AMPH: variants seen among roughly 807,000 people sequenced by gnomAD.
The protein encoded by AMPH is amphiphysin.
AMPH carries 49 observed loss-of-function variants against 99.1 expected under a neutral mutation model. The ratio of observed to expected loss-of-function variants is 0.49; its 90% CI spans 0.39 to 0.63. The LOEUF (loss-of-function observed/expected upper bound fraction) is 0.63, where lower values mean the gene tolerates loss of function less well. Ranked by LOEUF, AMPH falls within the 20% of genes least tolerant of loss-of-function variation. The pLI, the probability that AMPH is intolerant of heterozygous loss-of-function variation, is 0.00. For synonymous variants in AMPH, 314 were observed against 317.3 expected (o/e 0.99, Z 0.11); for missense variants, 759 against 863.4 (o/e 0.88, Z 1.52).
chr7:38,545,966 G>C (rs763057004), intron 1 of AMPH, among the ~76,000 whole-genome samples: 3 of 152,120 alleles, frequency 2.0e-5, no homozygotes, highest in South Asian at 4.1e-4. Flanking sequence ...AAAAATACAG[G>C]GGGGGATGAT....
chr7:38,532,654 T>C (rs1471700750), intron 2 of AMPH, among the ~76,000 whole-genome samples: 1 of 152,020 alleles, frequency 6.6e-6, no homozygotes, highest in South Asian at 2.1e-4. Flanking sequence ...ATTCTGCCAA[T>C]GTAGTTGATG....
At position 38,417,807 on chromosome 7, in the gene AMPH, G is replaced by A. The variant is rs1323338476; in HGVS notation, c.1398+18C>T. 6.2e-7 allele frequency: 1 copy of A among 1,613,162 alleles called. No homozygotes were observed. Among genetic ancestry groups the A allele is most frequent in the African/African-American group, 1.3e-5 (1 of 75,020 alleles). ...TGGCAGCGAGGCAGATGGAGGGTGAGAGGGAGGTGGTGCTCACCACTGCCT... is the reference window on the plus strand; with the variant it reads ...TGGCAGCGAGGCAGATGGAGGGTGAAAGGGAGGTGGTGCTCACCACTGCCT... On this transcript the variant is annotated intron_variant, in intron 17 of 20. Transcript: ENST00000356264.
At chr7:38,451,207 G>A (rs1010985780) in intron 11 of AMPH, among the ~76,000 whole-genome samples, 6 of 151,764 alleles carry the variant, frequency 4.0e-5, no homozygotes, top group Non-Finnish European at 8.8e-5. Flanking sequence ...AACATTTTCT[G>A]AGGACAAGAA....
intron 1 of AMPH, among the ~76,000 whole-genome samples, chr7:38,565,162 A>G (rs1346112607): frequency 6.6e-6 from 1 of 151,748 alleles, no homozygotes; most frequent in Non-Finnish European, 1.5e-5. Flanking sequence ...CCTGGGATGA[A>G]TCCTACTTTG....
intron 6 of AMPH, among the ~76,000 whole-genome samples, chr7:38,476,179 TG>T (rs1249062266): frequency 3.3e-5 from 5 of 152,210 alleles, no homozygotes; most frequent in Admixed American, 2.0e-4. Context: ...ACTTGAAAGT[TG>T]ATCAGGATGG....
rs1479624556 is a variant in AMPH at position 38,491,297 on chromosome 7, T to C, written c.301-152A>G. On this transcript the variant is annotated intron_variant, in intron 4 of 20. Coordinates refer to ENST00000356264, the MANE Select transcript of AMPH (RefSeq NM_001635.4). ...AAATGAGAATCATTTAATAATGCAA[T>C]AAAATTTTAAGGCAATTTGGCCACT... 5.0e-6 allele frequency: 3 copies of C among 595,728 alleles called. No individual in the cohort carries two copies. The African/African-American group carries it at 5.7e-5, about 11-fold the overall frequency. The allele number at this position is 595,728 out of a possible 1,614,324, so 36.9% of individuals were successfully genotyped here.
intron 17 of AMPH, among the ~76,000 whole-genome samples, chr7:38,409,582 C>G (rs184352662): frequency 2.0e-5 from 3 of 152,130 alleles, no homozygotes; most frequent in Non-Finnish European, 4.4e-5. Flanking sequence ...CACATTTATG[C>G]GCTTTTTTTC....
At chr7:38,545,074 C>T (rs558176509) in intron 1 of AMPH, among the ~76,000 whole-genome samples, 1 of 152,358 alleles carries the variant, frequency 6.6e-6, no homozygotes, top group South Asian at 2.1e-4. Flanking sequence ...CGGTAAGTGT[C>T]TCTTGAGCAA....
intron 11 of AMPH, among the ~76,000 whole-genome samples, chr7:38,446,727 A>G (rs1018013883): frequency 6.6e-6 from 1 of 152,162 alleles, no homozygotes; most frequent in African/African-American, 2.4e-5. Context: ...TAGTATATAC[A>G]TATGTGCAAA....
At chr7:38,570,612 G>T (rs1442206019) in intron 1 of AMPH, among the ~76,000 whole-genome samples, 1 of 151,826 alleles carries the variant, frequency 6.6e-6, no homozygotes, top group Non-Finnish European at 1.5e-5. Flanking sequence ...ATGCAATTAT[G>T]TACAGAACAT....
chr7:38,398,064 T>C (rs1424706859), intron 17 of AMPH, among the ~76,000 whole-genome samples: 1 of 135,710 alleles, frequency 7.4e-6, no homozygotes, highest in African/African-American at 2.8e-5. Flanking sequence ...GGTGGAAATG[T>C]AAATTAATGC....
chr7:38,402,233 A>T (rs142727776), intron 17 of AMPH, among the ~76,000 whole-genome samples: 1 of 152,096 alleles, frequency 6.6e-6, no homozygotes. Flanking sequence ...TGTTTCACCT[A>T]TCGAGGTCAT....
chr7:38,547,551 G>A (rs1369788866), intron 1 of AMPH, among the ~76,000 whole-genome samples: 1 of 152,178 alleles, frequency 6.6e-6, no homozygotes, highest in Non-Finnish European at 1.5e-5. Context: ...GTGTTTAGTA[G>A]GATGTGTTCA....
intron 1 of AMPH, among the ~76,000 whole-genome samples, chr7:38,597,573 G>A (rs1232595561): frequency 6.6e-6 from 1 of 152,088 alleles, no homozygotes; most frequent in African/African-American, 2.4e-5. Flanking sequence ...ATGCTGAGGT[G>A]AATTATCTTT....
intron 1 of AMPH, among the ~76,000 whole-genome samples, chr7:38,569,298 C>T (rs1464681991): frequency 6.6e-6 from 1 of 150,844 alleles, no homozygotes; most frequent in East Asian, 1.9e-4. Flanking sequence ...ATTAGGAACA[C>T]TAAGTATGCA....
At chr7:38,586,542 C>T (rs1386929400) in intron 1 of AMPH, among the ~76,000 whole-genome samples, 1 of 150,960 alleles carries the variant, frequency 6.6e-6, no homozygotes, top group African/African-American at 2.4e-5. Context: ...TAGCTCTAAG[C>T]AACATAGACT....
chr7:38,392,432 G>A (rs759162368), intron 18 of AMPH, among the ~76,000 whole-genome samples: 1 of 133,906 alleles, frequency 7.5e-6, no homozygotes, highest in Non-Finnish European at 1.5e-5. Context: ...TGTCGCCCAG[G>A]CTGGAGTGCA....
At chr7:38,536,531 C>G (rs10280689) in intron 1 of AMPH, among the ~76,000 whole-genome samples, 1 of 152,206 alleles carries the variant, frequency 6.6e-6, no homozygotes, top group African/African-American at 2.4e-5. Context: ...AAAATAGTTG[C>G]TCATAAAATG....
chr7:38,618,277 C>A (rs1201109456), intron 1 of AMPH, among the ~76,000 whole-genome samples: 1 of 151,828 alleles, frequency 6.6e-6, no homozygotes, highest in African/African-American at 2.4e-5. Flanking sequence ...CTTTGGGAGG[C>A]CGAGGCGGGC....
Sources: allele counts gnomAD v4.1 joint callset (sites outside exome capture counted in the v4.1 genomes callset), GRCh38; gene constraint gnomAD v4.1.1; transcripts MANE v1.5; gene names NCBI Gene and HGNC (gene_info 2026-07-23, HGNC 2026-07-21).